The following NEK1 variants were observed in gnomAD, a reference collection of about 807,000 sequenced individuals.
NEK1 encodes NIMA related kinase 1, also known as serine/threonine-protein kinase Nek1.
In NEK1, 137 loss-of-function variants were observed where a neutral mutation model predicts 182.1. That is an observed-to-expected ratio of 0.75 (90% CI 0.65 to 0.87). The LOEUF is 0.87. NEK1 is among the 40% of genes least tolerant of loss of function. NEK1 has a pLI of 0.00. For missense variants in NEK1, 1,391 were observed against 1,494.4 expected (o/e 0.93, Z 1.14); for synonymous variants, 513 against 492.2 (o/e 1.04, Z -0.56).
At chr4:169,575,526 T>A (rs1292666490) in intron 12 of NEK1, among the ~76,000 whole-genome samples, 5 of 152,200 alleles carry the variant, frequency 3.3e-5, no homozygotes, top group African/African-American at 1.2e-4. Context: ...CAGCAGCACC[T>A]GCAAGAAGAG....
At chr4:169,577,661 G>A (rs1200999659) in intron 11 of NEK1, among the ~76,000 whole-genome samples, 1 of 152,090 alleles carries the variant, frequency 6.6e-6, no homozygotes, top group African/African-American at 2.4e-5. Flanking sequence ...GGCTGAGGCA[G>A]GAGAATGGCG....
intron 12 of NEK1, among the ~76,000 whole-genome samples, chr4:169,569,230 CTTCCTT>C (rs1764223307): frequency 6.6e-6 from 1 of 151,964 alleles, no homozygotes; most frequent in African/African-American, 2.4e-5. Context: ...TGTTCTAGAG[CTTCCTT>C]TTCATTACCT....
intron 35 of NEK1, among the ~76,000 whole-genome samples, chr4:169,395,146 C>T (rs182358924): frequency 7.2e-5 from 11 of 152,206 alleles, no homozygotes; most frequent in Admixed American, 5.2e-4. Flanking sequence ...GTGAATTAAA[C>T]AGACTGGTTA....
chr4:169,488,547 C>T (rs1041856161), intron 23 of NEK1, among the ~76,000 whole-genome samples: 1 of 152,070 alleles, frequency 6.6e-6, no homozygotes, highest in African/African-American at 2.4e-5. Flanking sequence ...TATTTTTGTA[C>T]CAGTACCATG....
At position 169,545,879 on chromosome 4, in the gene NEK1, C is replaced by T. The variant is rs180706272; in HGVS notation, c.1563-7968G>A. On this transcript the variant is annotated intron_variant, in intron 18 of 35. Coordinates refer to ENST00000507142, the MANE Select transcript of NEK1 (RefSeq NM_001199397.3). ...GAGAAGTGTCTGTTCATGTCCTTCG[C>T]CCACTTCAAGGAGAACTACAAACCA... is the stretch of plus-strand genomic sequence containing the variant. Among the ~76,000 whole-genome samples the T allele has an allele frequency of 2.6e-5, 4 of 152,190 alleles. No individual in the cohort carries two copies. The East Asian group carries it at 7.7e-4, about 29-fold the overall frequency.
chr4:169,434,833 A>C (rs1448436917), intron 28 of NEK1, among the ~76,000 whole-genome samples: 3 of 152,184 alleles, frequency 2.0e-5, no homozygotes, highest in Non-Finnish European at 2.9e-5. Context: ...CAAGGTAAGC[A>C]CTTGGGGGCA....
intron 31 of NEK1, among the ~76,000 whole-genome samples, chr4:169,414,131 A>G (rs1321956980): frequency 6.6e-6 from 1 of 152,244 alleles, no homozygotes; most frequent in Non-Finnish European, 1.5e-5. Flanking sequence ...TTACACTAAT[A>G]ATTAGTATAC....
chr4:169,421,257 G>T (rs796400278), intron 31 of NEK1, among the ~76,000 whole-genome samples: 5 of 152,188 alleles, frequency 3.3e-5, no homozygotes, highest in African/African-American at 1.2e-4. Flanking sequence ...TGAACAACGT[G>T]ATCAAACAAA....
rs1240040362 is a variant in NEK1 at position 169,570,605 on chromosome 4, T to C, written c.1020+6323A>G. On this transcript the variant is annotated intron_variant, in intron 12 of 35. Coordinates refer to ENST00000507142, the MANE Select transcript of NEK1 (RefSeq NM_001199397.3). ...GCCGCCCCGTCCAGGAGGTGAGGGG[T>C]GCCTCTGCCCGGCCGCCCCTGCTAG... Among the ~76,000 whole-genome samples, 6 of 141,834 alleles carry C rather than the reference T, an allele frequency of 4.2e-5. No individual in the cohort carries two copies. The South Asian group carries it at 6.9e-4, about 16-fold the overall frequency. The allele number at this position is 141,834 out of a possible 152,430, so 93.0% of individuals were successfully genotyped here. A position where few individuals can be genotyped will look rare whatever the true frequency, so the allele number is the denominator to read the frequency against.
intron 2 of NEK1, among the ~76,000 whole-genome samples, chr4:169,609,731 A>G (rs1185676894): frequency 1.3e-5 from 2 of 152,198 alleles, no homozygotes; most frequent in African/African-American, 4.8e-5. Context: ...AGATTTTTCA[A>G]TCTTTTGTAC....
At chr4:169,487,142 GT>G (rs1391395719) in intron 23 of NEK1, among the ~76,000 whole-genome samples, 1 of 152,142 alleles carries the variant, frequency 6.6e-6, no homozygotes, top group Non-Finnish European at 1.5e-5. Context: ...AATCACAATA[GT>G]TAAGGCAGTG....
Position 169,400,653 on chromosome 4 carries a change from T to TA in NEK1, c.3584-3dup, listed in dbSNP as rs1449853883. On this transcript the variant is annotated splice_region_variant and splice_polypyrimidine_tract_variant and intron_variant, in intron 33 of 35. Transcript: ENST00000507142. ...TAGCAATTTCACCATCACTGTTATC[T>TA]AAAAAACAAAATTAAAATAGAGATT... 6.4e-7 allele frequency: 1 copy of TA among 1,566,934 alleles called. No individual in the cohort carries two copies. Among genetic ancestry groups the TA allele is most frequent in the Non-Finnish European group, 8.7e-7 (1 of 1,155,574 alleles).
In NEK1 at chr4:169,602,666, G is replaced by T; in HGVS notation, c.-36C>A. ...CTAAGGCATCTTTACAGATATGCTAGACATTTAAAAAACTAACAAAAAAGA... is the reference window on the plus strand; with the variant it reads ...CTAAGGCATCTTTACAGATATGCTATACATTTAAAAAACTAACAAAAAAGA... On this transcript the variant is annotated 5_prime_UTR_variant, in exon 3 of 36. Transcript: ENST00000507142. The T allele has an allele frequency of 8.9e-7, 1 of 1,118,696 alleles. No individual in the cohort carries two copies. The highest frequency in any genetic ancestry group is 1.3e-5 in the South Asian group (1 of 74,166). 69.3% of individuals were successfully genotyped at this position (1,118,696 alleles called of 1,614,324 possible). A position where few individuals can be genotyped will look rare whatever the true frequency, so the allele number is the denominator to read the frequency against.
Position 169,552,363 on chromosome 4 carries a change from C to CAA in NEK1, c.1562+3355_1562+3356dup, listed in dbSNP as rs57979638. Among the ~76,000 whole-genome samples, 567 of 121,310 alleles carry CAA rather than the reference C, an allele frequency of 4.7e-3. 4 individuals are homozygous for CAA. Among genetic ancestry groups the CAA allele is most frequent in the South Asian group, 0.036 (136 of 3,830 alleles). 79.6% of individuals were successfully genotyped at this position (121,310 alleles called of 152,430 possible). The stretch of plus-strand genomic sequence containing the variant: ...ATCACATGATCATATCTATACATGC[C>CAA]AAAAAAAAAAAAGCATTTGACAAAA... On this transcript the variant is annotated intron_variant, in intron 18 of 35. Coordinates refer to ENST00000507142, the MANE Select transcript of NEK1 (RefSeq NM_001199397.3).
rs571278600 is a variant in NEK1, at chr4:169,598,698, AAG to A, written c.312+400_312+401del. ...ATATTTTAGAGATCCTGGAAATCAA[AAG>A]AGAGATTAGATTTAATGCAGTTGTC... On this transcript the variant is annotated intron_variant, in intron 5 of 35. Coordinates refer to ENST00000507142, the MANE Select transcript of NEK1 (RefSeq NM_001199397.3). Among the ~76,000 whole-genome samples the A allele has an allele frequency of 6.6e-5, 10 of 152,330 alleles. No individual in the cohort carries two copies. In the South Asian group the frequency reaches 1.9e-3, roughly 28 times the overall value.
chr4:169,595,705 C>T (rs1769326635), intron 5 of NEK1, among the ~76,000 whole-genome samples: 2 of 151,882 alleles, frequency 1.3e-5, no homozygotes, highest in African/African-American at 4.8e-5. Context: ...GGGCGGATCA[C>T]GAGGTCAGGA....
intron 28 of NEK1, among the ~76,000 whole-genome samples, chr4:169,434,257 G>A (rs1053438088): frequency 6.8e-6 from 1 of 146,882 alleles, no homozygotes; most frequent in Non-Finnish European, 1.5e-5. Flanking sequence ...CGCCCAGGCT[G>A]GAGTGCAGTG....
intron 23 of NEK1, among the ~76,000 whole-genome samples, chr4:169,496,287 C>T (rs1751263329): frequency 6.6e-6 from 1 of 151,862 alleles, no homozygotes; most frequent in Non-Finnish European, 1.5e-5. Context: ...TGCCTATCAG[C>T]TTAAGGAGAT....
intron 18 of NEK1, among the ~76,000 whole-genome samples, chr4:169,539,653 G>A (rs569480916): frequency 5.9e-5 from 9 of 152,066 alleles, no homozygotes; most frequent in East Asian, 1.9e-4. Context: ...GCTATAGCCC[G>A]TCTACGTAAG....
Sources: gnomAD v4.1 joint callset for allele counts (sites outside exome capture counted in the v4.1 genomes callset) on GRCh38, gnomAD v4.1.1 for gene constraint, MANE v1.5 for transcripts, NCBI Gene and HGNC (gene_info 2026-07-23, HGNC 2026-07-21) for gene names.